Variants in SHISA9 observed in about 807,000 individuals in gnomAD.
SHISA9 encodes shisa family member 9.
Under a neutral mutation model 38.0 loss-of-function variants are expected in SHISA9, and 13 were observed. The observed-to-expected ratio is 0.34, with a 90% CI of 0.22 to 0.54. SHISA9 has a LOEUF of 0.54. SHISA9 is among the 20% of genes least tolerant of loss of function. The probability of loss-of-function intolerance (pLI) is 0.91; values close to 1 mark genes in which losing one functional copy is unlikely to be tolerated. For synonymous variants in SHISA9, 275 were observed against 242.0 expected, an observed-to-expected ratio of 1.14 and a Z score of -1.27; for missense variants, 538 against 575.8, an observed-to-expected ratio of 0.93 and a Z score of 0.67.
chr16:13,494,516 G>A, the SHISA9 span, among the ~76,000 whole-genome samples: 1 of 151,682 alleles, frequency 6.6e-6, no homozygotes, highest in Non-Finnish European at 1.5e-5. Flanking sequence ...GAAAAGGAAC[G>A]TTGCACTCAA....
chr16:13,528,481 A>G, the SHISA9 span, among the ~76,000 whole-genome samples: 1 of 152,220 alleles, frequency 6.6e-6, no homozygotes, highest in African/African-American at 2.4e-5. Flanking sequence ...TAAAACAAAA[A>G]TTGTTTTAAA....
the SHISA9 span, among the ~76,000 whole-genome samples, chr16:13,386,627 T>C: frequency 2.6e-5 from 4 of 152,238 alleles, no homozygotes; most frequent in Non-Finnish European, 5.9e-5. Flanking sequence ...CACGTATCTT[T>C]GAAAACGTGT....
intron 2 of SHISA9, among the ~76,000 whole-genome samples, chr16:13,005,042 G>A (rs2072581144): frequency 6.6e-6 from 1 of 151,708 alleles, no homozygotes; most frequent in Non-Finnish European, 1.5e-5. Context: ...ATGAGGGTGG[G>A]AGAGAGGGGT....
At chr16:13,516,134 G>A in the SHISA9 span, among the ~76,000 whole-genome samples, 32 of 152,284 alleles carry the variant, frequency 2.1e-4, no homozygotes, top group Admixed American at 1.1e-3. Flanking sequence ...GAAGTGTCTC[G>A]TCCAAGCTGA....
the SHISA9 span, among the ~76,000 whole-genome samples, chr16:13,288,276 A>G: frequency 6.6e-6 from 1 of 152,182 alleles, no homozygotes; most frequent in Non-Finnish European, 1.5e-5. Context: ...TGGCTTAAAC[A>G]ATAAGAATTA....
intron 2 of SHISA9, among the ~76,000 whole-genome samples, chr16:13,041,054 G>T (rs1024669434): frequency 6.6e-6 from 1 of 152,122 alleles, no homozygotes; most frequent in Non-Finnish European, 1.5e-5. Flanking sequence ...TGTGTCGTTG[G>T]GGGCTGAGCC....
At chr16:13,209,135 A>G (rs2051094792) in intron 3 of SHISA9, among the ~76,000 whole-genome samples, 1 of 152,186 alleles carries the variant, frequency 6.6e-6, no homozygotes, top group Non-Finnish European at 1.5e-5. Flanking sequence ...TTGATGATAT[A>G]GTGTAGGTAA....
In SHISA9 at chr16:13,191,043, A is replaced by G. The variant is rs191023801; in HGVS notation, c.692-12351A>G. 3.7e-3 allele frequency among the ~76,000 whole-genome samples: 569 copies of G among 152,272 alleles called. 4 individuals carry two copies. Among genetic ancestry groups the G allele is most frequent in the African/African-American group, 0.013 (530 of 41,556 alleles). ...TATTCTCTTTTGACAAATTCAGGGT[A>G]ATTTTGAGTTGGATTGGATACTTCT... On this transcript the variant is annotated intron_variant, in intron 2 of 4. Transcript: ENST00000558583.
At chr16:12,950,501 A>C (rs549219518) in intron 2 of SHISA9, among the ~76,000 whole-genome samples, 1 of 152,352 alleles carries the variant, frequency 6.6e-6, no homozygotes, top group South Asian at 2.1e-4. Flanking sequence ...GATGTGGAGA[A>C]AAAGGAACTC....
the SHISA9 span, among the ~76,000 whole-genome samples, chr16:13,377,937 G>A: frequency 6.6e-6 from 1 of 152,212 alleles, no homozygotes; most frequent in Non-Finnish European, 1.5e-5. Context: ...GGAGGCTGAG[G>A]TGGGAGAATC....
chr16:13,038,439 G>C (rs1476239663), intron 2 of SHISA9, among the ~76,000 whole-genome samples: 8 of 152,168 alleles, frequency 5.3e-5, no homozygotes, highest in Admixed American at 5.2e-4. Flanking sequence ...CCTTGTGCTA[G>C]TCCCTGCACC....
At chr16:13,162,439 G>C (rs1239026176) in intron 2 of SHISA9, among the ~76,000 whole-genome samples, 1 of 152,118 alleles carries the variant, frequency 6.6e-6, no homozygotes, top group Non-Finnish European at 1.5e-5. Context: ...TGAGGCGTAG[G>C]GATGTTCTTT....
intron 2 of SHISA9, among the ~76,000 whole-genome samples, chr16:13,186,413 T>A (rs60970642): frequency 0.15 from 22,538 of 147,116 alleles, 1,968 homozygotes; most frequent in Middle Eastern, 0.24. Context: ...TTCTCCTGCC[T>A]CAGCCTCCTG....
chr16:13,180,355 A>G lies in SHISA9; in HGVS notation c.692-23039A>G, dbSNP rs552866073. On this transcript the variant is annotated intron_variant, in intron 2 of 4. Coordinates refer to ENST00000558583, the MANE Select transcript of SHISA9 (RefSeq NM_001145204.3). ...TTTGGACCAGGGGTGCAGGACACCT[A>G]ACCCAGAGGGAGCCTGTCCATGGCT... Among the ~76,000 whole-genome samples the G allele has an allele frequency of 3.9e-5, 6 of 152,322 alleles. No homozygotes were observed. In the South Asian group the frequency reaches 1.2e-3, roughly 32 times the overall value.
chr16:13,561,523 T>A, the SHISA9 span, among the ~76,000 whole-genome samples: 4 of 151,964 alleles, frequency 2.6e-5, no homozygotes, highest in African/African-American at 4.8e-5. Context: ...AGGGAGAGGG[T>A]TTACAGCAAA....
the SHISA9 span, among the ~76,000 whole-genome samples, chr16:13,493,486 T>C: frequency 6.6e-6 from 1 of 152,320 alleles, no homozygotes; most frequent in South Asian, 2.1e-4. Flanking sequence ...GTAATGGTTT[T>C]TCATGACCCC....
intron 2 of SHISA9, among the ~76,000 whole-genome samples, chr16:13,017,032 T>G (rs2072765911): frequency 6.6e-6 from 1 of 151,828 alleles, no homozygotes; most frequent in African/African-American, 2.4e-5. Flanking sequence ...TTTCTTTTTT[T>G]TTTTTGAGAC....
rs141812924 is a variant in SHISA9, at chr16:13,208,842, T to A, written c.848-4411T>A. On this transcript the variant is annotated intron_variant, in intron 3 of 4. Transcript: ENST00000558583. ...CATTTGTCAATGTATCCCCAGCACC[T>A]AGTGTCATGTGGGGTGCTTAGTAAG... 7.3e-3 allele frequency among the ~76,000 whole-genome samples: 1,114 copies of A among 152,296 alleles called. 9 individuals carry two copies. The highest frequency in any genetic ancestry group is 0.024 in the African/African-American group (980 of 41,560).
At chr16:12,958,935 A>G (rs1318388847) in intron 2 of SHISA9, among the ~76,000 whole-genome samples, 2 of 152,272 alleles carry the variant, frequency 1.3e-5, no homozygotes, top group East Asian at 1.9e-4. Context: ...AGGGTTGGCC[A>G]TGATTTAGCT....
Sources: allele counts gnomAD v4.1 joint callset (sites outside exome capture counted in the v4.1 genomes callset), GRCh38; gene constraint gnomAD v4.1.1; transcripts MANE v1.5; gene names NCBI Gene and HGNC (gene_info 2026-07-23, HGNC 2026-07-21).